Variants in NUDT9 observed in about 807,000 individuals in gnomAD.
NUDT9 encodes the protein nudix hydrolase 9, also known as ADP-ribose pyrophosphatase.
In NUDT9, 31 loss-of-function variants were observed where a neutral mutation model predicts 41.0. The observed-to-expected ratio is 0.76, with a 90% CI of 0.57 to 1.02. The LOEUF (loss-of-function observed/expected upper bound fraction) is 1.02, where lower values mean the gene tolerates loss of function less well. Ranked by LOEUF, NUDT9 falls within the 50% of genes least tolerant of loss-of-function variation. The probability of loss-of-function intolerance (pLI) is 0.00; values close to 1 mark genes in which losing one functional copy is unlikely to be tolerated. For synonymous variants in NUDT9, 146 were observed against 147.6 expected, an observed-to-expected ratio of 0.99 and a Z score of 0.08; for missense variants, 380 against 431.4, an observed-to-expected ratio of 0.88 and a Z score of 1.06.
At chr4:87,428,074 A>C (rs1721512582) in intron 1 of NUDT9, among the ~76,000 whole-genome samples, 1 of 152,206 alleles carries the variant, frequency 6.6e-6, no homozygotes, top group South Asian at 2.1e-4. Flanking sequence ...AGTTAGTCAC[A>C]AATCAAATAC....
At chr4:87,444,284 T>G (rs1470623757) in intron 4 of NUDT9, among the ~76,000 whole-genome samples, 1 of 152,124 alleles carries the variant, frequency 6.6e-6, no homozygotes, top group Non-Finnish European at 1.5e-5. Context: ...ATTTGATAGT[T>G]TAACTCTTTA....
At chr4:87,444,296 A>G (rs79399619) in intron 4 of NUDT9, among the ~76,000 whole-genome samples, 2,043 of 151,958 alleles carry the variant, frequency 0.013, 101 homozygotes, top group East Asian at 0.13. Flanking sequence ...AACTCTTTAT[A>G]TATTTTTTTA....
intron 1 of NUDT9, among the ~76,000 whole-genome samples, chr4:87,434,626 C>CTT (rs35889524): frequency 1.4e-5 from 2 of 142,340 alleles, no homozygotes; most frequent in African/African-American, 5.2e-5. Context: ...GAATTAGGTT[C>CTT]TTTTTTTTTT....
At chr4:87,439,869 C>T (rs1722126444) in intron 3 of NUDT9, among the ~76,000 whole-genome samples, 1 of 152,058 alleles carries the variant, frequency 6.6e-6, no homozygotes, top group Non-Finnish European at 1.5e-5. Context: ...TTAGCATGTA[C>T]CAAATAAAAC....
At chr4:87,429,133 A>G (rs1351720562) in intron 1 of NUDT9, among the ~76,000 whole-genome samples, 1 of 152,188 alleles carries the variant, frequency 6.6e-6, no homozygotes, top group East Asian at 1.9e-4. Flanking sequence ...AAGTCAGGTT[A>G]AGAATTTTAA....
At chr4:87,448,138 A>ATTTTTTTTTTTTTTTTTTTTTTTTTT (rs1213818782) in intron 4 of NUDT9, among the ~76,000 whole-genome samples, 9 of 92,384 alleles carry the variant, frequency 9.7e-5, no homozygotes, top group Non-Finnish European at 1.6e-4. Flanking sequence ...TTAAAAGCAA[A>ATTTTTTTTTTTTTTTTTTTTTTTTTT]TTTTTTTTTT....
Position 87,458,060 on chromosome 4 carries a change from C to A in NUDT9, c.*39C>A. The A allele has an allele frequency of 6.8e-7, 1 of 1,460,066 alleles. No homozygotes were observed. The highest frequency in any genetic ancestry group is 9.0e-7 in the Non-Finnish European group (1 of 1,109,436). The allele number at this position is 1,460,066 out of a possible 1,614,324, so 90.4% of individuals were successfully genotyped here. On this transcript the variant is annotated 3_prime_UTR_variant, in exon 8 of 8. Transcript: ENST00000302174. ...TGTAAGCCAAAGGCCCACAGAGGAG[C>A]ATATACTGAAAAGAAGGCAGTATCA... is the stretch of plus-strand genomic sequence containing the variant.
At chr4:87,441,960 T>C (rs780564558) in intron 4 of NUDT9, 45 bp downstream of exon 4, 45 of 1,414,930 alleles carry the variant, frequency 3.2e-5, no homozygotes, top group African/African-American at 4.3e-5. Context: ...AGCTAAGTGA[T>C]AGAAAAATTG....
rs764800338 is a variant in NUDT9, at chr4:87,435,163, T to A, written c.290T>A (p.Val97Glu). 34 of 1,614,160 alleles carry A rather than the reference T, an allele frequency of 2.1e-5. No individual in the cohort carries two copies. Among genetic ancestry groups the A allele is most frequent in the Non-Finnish European group, 2.9e-5 (34 of 1,180,018 alleles). Residue 97 changes from valine (V) to glutamate (E), a missense_variant, in exon 2 of 8, where the codon GTG (valine) becomes GAG (glutamate). Transcript: ENST00000302174. ...WLVEWQDYKP[V>E]EYTAVSVLAG... ...GTTGAGTGGCAAGACTATAAGCCTG[T>A]GGAATACACTGCAGTCTCTGTCTTG...
At chr4:87,455,004 T>C (rs1028539372) in intron 7 of NUDT9, among the ~76,000 whole-genome samples, 1 of 152,218 alleles carries the variant, frequency 6.6e-6, no homozygotes, top group Non-Finnish European at 1.5e-5. Context: ...AGGAAAAATC[T>C]GCTGTCTTAA....
rs1262799002 is a variant in NUDT9 at position 87,457,926 on chromosome 4, C to T, written c.958C>T (p.Leu320Phe). The change falls in exon 8 of 8, where the codon CTT becomes TTT. Residue 320 changes from leucine (L) to phenylalanine (F), a missense_variant. Coordinates refer to ENST00000302174, the MANE Select transcript of NUDT9 (RefSeq NM_024047.5). ...KWVDINDKLK[L>F]YASHSQFIKL... Reference sequence around the variant, plus strand: ...GGTGGACATCAATGATAAACTGAAGCTTTATGCCAGTCACTCTCAATTCAT... The same window carrying T: ...GGTGGACATCAATGATAAACTGAAGTTTTATGCCAGTCACTCTCAATTCAT... The T allele has an allele frequency of 1.9e-6, 3 of 1,604,958 alleles. No individual in the cohort carries two copies. In the East Asian group the frequency reaches 6.8e-5, roughly 36 times the overall value.
chr4:87,451,897 G>A (rs1276643970), intron 6 of NUDT9, among the ~76,000 whole-genome samples, 162 bp downstream of exon 6: 1 of 151,958 alleles, frequency 6.6e-6, no homozygotes, highest in East Asian at 1.9e-4. Context: ...CTGTAAATAG[G>A]TTTCTATTTA....
chr4:87,426,961 A>C (rs1296611332), intron 1 of NUDT9, among the ~76,000 whole-genome samples: 2 of 137,466 alleles, frequency 1.5e-5, no homozygotes, highest in African/African-American at 2.6e-5. Flanking sequence ...AAACTAAACC[A>C]AAAAAAAAAA....
chr4:87,437,278 A>G (rs1721982429), intron 2 of NUDT9, among the ~76,000 whole-genome samples: 1 of 121,410 alleles, frequency 8.2e-6, no homozygotes, highest in Non-Finnish European at 1.9e-5. Flanking sequence ...AGAAAGAAAG[A>G]AAAAATAATT....
intron 1 of NUDT9, 84 bp from the exon 2 acceptor site, chr4:87,434,897 G>A (rs773178561): frequency 3.4e-5 from 42 of 1,230,424 alleles, no homozygotes; most frequent in Non-Finnish European, 4.6e-5. Flanking sequence ...GGGATTACAG[G>A]CGTAAGCCAC....
chr4:87,431,986 T>C (rs376514745), intron 1 of NUDT9, among the ~76,000 whole-genome samples: 2 of 152,350 alleles, frequency 1.3e-5, no homozygotes, highest in East Asian at 3.9e-4. Context: ...GCACCCAGCA[T>C]GTTAGTGTTT....
rs555733290 is a variant in NUDT9, at chr4:87,437,536, G to A, written c.348-741G>A. Reference sequence around the variant, plus strand: ...TTTGTATTTTTTTAGTAGAGATGGGGTTCCACCATGTTAGCCAGGATGGTC... The same window carrying A: ...TTTGTATTTTTTTAGTAGAGATGGGATTCCACCATGTTAGCCAGGATGGTC... On this transcript the variant is annotated intron_variant, in intron 2 of 7. Coordinates refer to ENST00000302174, the MANE Select transcript of NUDT9 (RefSeq NM_024047.5). Among the ~76,000 whole-genome samples the A allele has an allele frequency of 2.6e-5, 4 of 151,558 alleles. No individual in the cohort carries two copies. The East Asian group carries it at 7.8e-4, about 30-fold the overall frequency.
intron 7 of NUDT9, among the ~76,000 whole-genome samples, chr4:87,455,978 A>T (rs892073233): frequency 6.6e-6 from 1 of 151,922 alleles, no homozygotes; most frequent in Non-Finnish European, 1.5e-5. Context: ...CTTTTTTGAA[A>T]ATTGACCATG....
chr4:87,453,107 C>T (rs542906024), intron 6 of NUDT9, among the ~76,000 whole-genome samples: 57 of 152,104 alleles, frequency 3.7e-4, no homozygotes, highest in Admixed American at 5.9e-4. Context: ...CCACCGCACC[C>T]GGCCTTTTTT....
Sources: allele counts gnomAD v4.1 joint callset (sites outside exome capture counted in the v4.1 genomes callset), GRCh38; gene constraint gnomAD v4.1.1; transcripts MANE v1.5; gene names NCBI Gene and HGNC (gene_info 2026-07-23, HGNC 2026-07-21).